The following GALNT10 variants were observed in gnomAD, a reference collection of about 807,000 sequenced individuals.
The protein encoded by GALNT10 is polypeptide N-acetylgalactosaminyltransferase 10.
GALNT10 carries 41 observed loss-of-function variants against 75.0 expected under a neutral mutation model. That is an observed-to-expected ratio of 0.55 (90% CI 0.43 to 0.71). The LOEUF (loss-of-function observed/expected upper bound fraction) is 0.71, where lower values mean the gene tolerates loss of function less well. Among genes scored for constraint, GALNT10 ranks in the 30% least tolerant of loss-of-function variants. The pLI, the probability that GALNT10 is intolerant of heterozygous loss-of-function variation, is 0.00. For synonymous variants in GALNT10, 302 were observed against 313.0 expected (o/e 0.96, Z 0.37); for missense variants, 727 against 818.5 (o/e 0.89, Z 1.36).
intron 1 of GALNT10, among the ~76,000 whole-genome samples, chr5:154,253,002 G>GTTTTTTTTTTTTTTTTTT (rs373849888): frequency 1.1e-5 from 1 of 89,862 alleles, no homozygotes. Flanking sequence ...TTTTTTAGTG[G>GTTTTTTTTTTTTTTTTTT]TTTTTTTTTT....
chr5:154,270,539 T>G (rs748099735), intron 1 of GALNT10, among the ~76,000 whole-genome samples: 6 of 152,016 alleles, frequency 3.9e-5, no homozygotes, highest in Non-Finnish European at 8.8e-5. Flanking sequence ...CAGAGGACGA[T>G]GATGAGCACT....
intron 7 of GALNT10, among the ~76,000 whole-genome samples, chr5:154,398,133 C>G (rs1471913195): frequency 6.6e-6 from 1 of 152,214 alleles, no homozygotes; most frequent in Non-Finnish European, 1.5e-5. Flanking sequence ...GAGAAGACTG[C>G]CACAGGGGCA....
intron 1 of GALNT10, among the ~76,000 whole-genome samples, chr5:154,237,611 T>C (rs1327633453): frequency 6.6e-6 from 1 of 152,186 alleles, no homozygotes; most frequent in Non-Finnish European, 1.5e-5. Context: ...TGCATTACAT[T>C]AGGTTGCTAT....
chr5:154,254,658 G>A (rs1003123594), intron 1 of GALNT10, among the ~76,000 whole-genome samples: 3 of 152,024 alleles, frequency 2.0e-5, no homozygotes, highest in African/African-American at 4.8e-5. Context: ...CTTTTATGCC[G>A]AGTGGTAATT....
intron 1 of GALNT10, among the ~76,000 whole-genome samples, chr5:154,253,364 G>T (rs1011228343): frequency 1.4e-5 from 2 of 140,038 alleles, no homozygotes; most frequent in Non-Finnish European, 3.1e-5. Context: ...GACACAGGAA[G>T]GGGAACATCA....
chr5:154,419,751 T>G lies in GALNT10; in HGVS notation c.*2779T>G, dbSNP rs1756591420. The G allele has an allele frequency of 6.6e-6, 1 of 152,208 alleles. No individual in the cohort carries two copies. Among genetic ancestry groups the G allele is most frequent in the Non-Finnish European group, 1.5e-5 (1 of 68,040 alleles). 9.4% of individuals were successfully genotyped at this position (152,208 alleles called of 1,614,324 possible). A position where few individuals can be genotyped will look rare whatever the true frequency, so the allele number is the denominator to read the frequency against. Reference sequence around the variant, plus strand: ...TACTAAGCCACTCATTGTTATGGCTTCCTTTTTGAAAACCACCTGTCTCAA... The same window carrying G: ...TACTAAGCCACTCATTGTTATGGCTGCCTTTTTGAAAACCACCTGTCTCAA... On this transcript the variant is annotated 3_prime_UTR_variant, in exon 12 of 12. Transcript: ENST00000297107.
intron 4 of GALNT10, among the ~76,000 whole-genome samples, chr5:154,335,218 G>T (rs1408777799): frequency 6.6e-6 from 1 of 152,106 alleles, no homozygotes; most frequent in African/African-American, 2.4e-5. Context: ...TCATATTCAT[G>T]TATTCAGCAG....
At chr5:154,284,556 G>A (rs756200889) in intron 1 of GALNT10, among the ~76,000 whole-genome samples, 2 of 152,140 alleles carry the variant, frequency 1.3e-5, no homozygotes, top group Non-Finnish European at 2.9e-5. Flanking sequence ...CACAGCTGCT[G>A]TGCAGAGCAA....
chr5:154,320,489 C>A (rs1400649058), intron 3 of GALNT10, among the ~76,000 whole-genome samples: 2 of 152,102 alleles, frequency 1.3e-5, no homozygotes, highest in Non-Finnish European at 2.9e-5. Context: ...CCGCCCCCAA[C>A]CCTGCTTCAA....
chr5:154,381,082 G>T (rs976104912), intron 6 of GALNT10, among the ~76,000 whole-genome samples: 2 of 152,186 alleles, frequency 1.3e-5, no homozygotes, highest in African/African-American at 4.8e-5. Flanking sequence ...TAAGTAATTT[G>T]CCCAGGTTAC....
intron 4 of GALNT10, among the ~76,000 whole-genome samples, chr5:154,362,438 G>T (rs1451645559): frequency 4.6e-5 from 7 of 152,096 alleles, no homozygotes; most frequent in Admixed American, 4.6e-4. Flanking sequence ...AGTAAAAATT[G>T]CTCACTGCTA....
In GALNT10 at chr5:154,386,425, T is replaced by C. The variant is rs148741733; in HGVS notation, c.1051T>C (p.Phe351Leu). Reference protein sequence around the residue: ...IWGGEQYEISFKVWMCGGRME... With the variant: ...IWGGEQYEISLKVWMCGGRME... ...GGGAGGGGAGCAGTATGAAATCTCC[T>C]TCAAGGTGAGCCAGCTCTCCAGACG... Residue 351 changes from phenylalanine to leucine, a missense_variant, in exon 7 of 12, where the codon TTC becomes CTC. Physicochemically the swap from Phe to Leu is conservative, Grantham distance 22. Transcript: ENST00000297107. 3.4e-5 allele frequency: 55 copies of C among 1,597,516 alleles called. No homozygotes were observed. The African/African-American group carries it at 7.0e-4, about 20-fold the overall frequency.
At chr5:154,207,885 T>G (rs373005000) in intron 1 of GALNT10, among the ~76,000 whole-genome samples, 1 of 151,732 alleles carries the variant, frequency 6.6e-6, no homozygotes, top group East Asian at 1.9e-4. Context: ...GCGTGAAGGG[T>G]GTTGGGCAGA....
rs34012731 is a variant in GALNT10 at position 154,325,631 on chromosome 5, C to CAA, written c.402-3929_402-3928dup. Reference sequence around the variant, plus strand: ...ACTTACATAATCATCTCAGTAGATGCAAAAAAAAAAAAAGCCATTTGACAA... The same window carrying CAA: ...ACTTACATAATCATCTCAGTAGATGCAAAAAAAAAAAAAAAGCCATTTGACAA... On this transcript the variant is annotated intron_variant, in intron 3 of 11. Coordinates refer to ENST00000297107, the MANE Select transcript of GALNT10 (RefSeq NM_198321.4). 9.0e-3 allele frequency among the ~76,000 whole-genome samples: 1,179 copies of CAA among 131,434 alleles called. 15 individuals are homozygous for CAA. Among genetic ancestry groups the CAA allele is most frequent in the African/African-American group, 0.03 (1,112 of 37,544 alleles). 86.2% of individuals were successfully genotyped at this position (131,434 alleles called of 152,430 possible). A position where few individuals can be genotyped will look rare whatever the true frequency, so the allele number is the denominator to read the frequency against.
intron 1 of GALNT10, among the ~76,000 whole-genome samples, chr5:154,241,598 C>T (rs1280645352): frequency 1.3e-5 from 2 of 151,760 alleles, no homozygotes; most frequent in African/African-American, 4.8e-5. Context: ...ATTGTGTCAA[C>T]TAAAAATTAA....
intron 1 of GALNT10, among the ~76,000 whole-genome samples, chr5:154,261,175 A>G (rs1164830503): frequency 6.6e-6 from 1 of 152,232 alleles, no homozygotes. Flanking sequence ...AGGAGACACC[A>G]TTGAAATTCA....
In GALNT10 at chr5:154,190,890, C is replaced by T. The variant is rs1348069178; in HGVS notation, c.24C>T (p.Leu8=). Residue 8 remains leucine, a synonymous_variant, in exon 1 of 12, where the codon CTC becomes CTT. Coordinates refer to ENST00000297107, the MANE Select transcript of GALNT10 (RefSeq NM_198321.4). MRRKEKR[L]LQAVALVLAA... is the part of the protein sequence containing the mutation. Reference sequence around the variant, plus strand: ...CGATGAGGCGGAAGGAGAAGCGGCTCCTGCAGGCGGTGGCGCTGGTGCTGG... The same window carrying T: ...CGATGAGGCGGAAGGAGAAGCGGCTTCTGCAGGCGGTGGCGCTGGTGCTGG... 107 of 1,451,302 alleles carry T rather than the reference C, an allele frequency of 7.4e-5. No individual in the cohort carries two copies. Among genetic ancestry groups the T allele is most frequent in the Non-Finnish European group, 9.7e-5 (106 of 1,097,902 alleles). 89.9% of individuals were successfully genotyped at this position (1,451,302 alleles called of 1,614,324 possible). A position where few individuals can be genotyped will look rare whatever the true frequency, so the allele number is the denominator to read the frequency against.
intron 4 of GALNT10, among the ~76,000 whole-genome samples, chr5:154,343,507 G>C: frequency 6.6e-6 from 1 of 152,150 alleles, no homozygotes. Flanking sequence ...GACAGAAATG[G>C]CTTAGTACTT....
intron 3 of GALNT10, among the ~76,000 whole-genome samples, chr5:154,314,408 C>T (rs1226146974): frequency 1.3e-5 from 2 of 152,184 alleles, no homozygotes; most frequent in Non-Finnish European, 2.9e-5. Context: ...TGCTGTCTCC[C>T]TCTGTGACCC....
Sources: allele counts gnomAD v4.1 joint callset (sites outside exome capture counted in the v4.1 genomes callset), GRCh38; gene constraint gnomAD v4.1.1; transcripts MANE v1.5; gene names NCBI Gene and HGNC (gene_info 2026-07-23, HGNC 2026-07-21).